COL18A1: variants seen among roughly 807,000 people sequenced by gnomAD.
The protein encoded by COL18A1 is collagen type XVIII alpha 1 chain.
Under a neutral mutation model 168.0 loss-of-function variants are expected in COL18A1, and 133 were observed. The observed-to-expected ratio is 0.79, with a 90% CI of 0.69 to 0.91. The LOEUF is 0.91. Ranked by LOEUF, COL18A1 falls within the 40% of genes least tolerant of loss-of-function variation. COL18A1 has a pLI of 0.00. For synonymous variants in COL18A1, 949 were observed against 809.0 expected (o/e 1.17, Z -2.94); for missense variants, 2,126 against 1,925.4 (o/e 1.10, Z -1.95).
chr21:45,509,198 T>TGCC lies in COL18A1; in HGVS notation c.3250-157_3250-155dup, dbSNP rs563275833. ...AGGCAGGACTCCCCACCCTTGCTGC[T>TGCC]GCCTACACCCCCAGGGCAGCCCCAG... On this transcript the variant is annotated intron_variant, in intron 38 of 41. Transcript: ENST00000651438. Among the ~76,000 whole-genome samples the TGCC allele has an allele frequency of 1.1e-4, 16 of 152,118 alleles. No individual in the cohort carries two copies. In the East Asian group the frequency reaches 3.1e-3, roughly 29 times the overall value.
intron 2 of COL18A1, among the ~76,000 whole-genome samples, chr21:45,436,397 C>T (rs1395866856): frequency 1.3e-5 from 2 of 152,206 alleles, no homozygotes; most frequent in Non-Finnish European, 2.9e-5. Flanking sequence ...ACTGTGCCGC[C>T]GCCCCATTGT....
At position 45,477,733 on chromosome 21, in the gene COL18A1, G is replaced by A. The variant is rs2035729609; in HGVS notation, c.1006-17G>A. ...GGCCCCACCCCAGCCCGAGCCCTGT[G>A]TTCTGTTTATTCCCAGGGCGGCCTG... On this transcript the variant is annotated splice_polypyrimidine_tract_variant and intron_variant, in intron 7 of 41. Coordinates refer to ENST00000651438, the MANE Select transcript of COL18A1 (RefSeq NM_001379500.1). 2.0e-6 allele frequency: 3 copies of A among 1,529,398 alleles called. No homozygotes were observed. Among genetic ancestry groups the A allele is most frequent in the Non-Finnish European group, 1.8e-6 (2 of 1,138,406 alleles). 94.7% of individuals were successfully genotyped at this position (1,529,398 alleles called of 1,614,324 possible).
intron 2 of COL18A1, chr21:45,422,448 G>T (rs1416294953): frequency 1.5e-5 from 8 of 532,300 alleles, no homozygotes; most frequent in South Asian, 1.1e-4. Context: ...GGAGGCTCCA[G>T]GATAGAGTTG....
chr21:45,418,719 G>C (rs1052720045), intron 2 of COL18A1, among the ~76,000 whole-genome samples: 1 of 150,252 alleles, frequency 6.7e-6, no homozygotes, highest in Non-Finnish European at 1.5e-5. Context: ...GCCACCTCAC[G>C]TCACTTCCTG....
intron 32 of COL18A1, among the ~76,000 whole-genome samples, chr21:45,503,384 T>C (rs1234983811): frequency 6.6e-6 from 1 of 152,184 alleles, no homozygotes; most frequent in African/African-American, 2.4e-5. Flanking sequence ...GAGAAGTGTC[T>C]GTTCATGTCC....
In COL18A1 at chr21:45,477,875, T is replaced by C. The variant is rs2145925010; in HGVS notation, c.1131T>C (p.Pro377=). Residue 377 remains proline (P), a synonymous_variant, in exon 8 of 42, where the codon CCT becomes CCC. Transcript: ENST00000651438. ...CGTGCCCAGTGAGTCCCCTGGGTCCTGCAGGCCCAGCGTTGCAAACTGTCC... is the reference window on the plus strand; with the variant it reads ...CGTGCCCAGTGAGTCCCCTGGGTCCCGCAGGCCCAGCGTTGCAAACTGTCC... ...GLPCPVSPLG[P]AGPALQTVPG... 2 of 1,556,232 alleles carry C rather than the reference T, an allele frequency of 1.3e-6. No homozygotes were observed. Among genetic ancestry groups the C allele is most frequent in the East Asian group, 2.4e-5 (1 of 41,386 alleles).
intron 2 of COL18A1, among the ~76,000 whole-genome samples, chr21:45,464,709 C>T (rs770874532): frequency 2.6e-5 from 4 of 152,174 alleles, no homozygotes; most frequent in Non-Finnish European, 2.9e-5. Context: ...CGCTTCCCTT[C>T]GCTCAAAGCC....
At chr21:45,509,987 G>A (rs1799428255) in intron 39 of COL18A1, 77 bp from the exon 40 acceptor site, 1 of 1,484,310 alleles carries the variant, frequency 6.7e-7, no homozygotes, top group East Asian at 2.5e-5. Context: ...CAGGTGCGGG[G>A]CCGGGGTGGT....
rs1380345492 is a variant in COL18A1, at chr21:45,497,826, C to T, written c.2683+165C>T. On this transcript the variant is annotated intron_variant, in intron 32 of 41. Coordinates refer to ENST00000651438, the MANE Select transcript of COL18A1 (RefSeq NM_001379500.1). ...GCCCCTTCTGGGTTGATGGGGGCCTCATAGGACCTGGATTTGGGGGCGAGG... is the reference window on the plus strand; with the variant it reads ...GCCCCTTCTGGGTTGATGGGGGCCTTATAGGACCTGGATTTGGGGGCGAGG... The T allele has an allele frequency of 8.7e-6, 8 of 914,548 alleles. No individual in the cohort carries two copies. The Admixed American group carries it at 1.6e-4, about 19-fold the overall frequency. 56.7% of individuals were successfully genotyped at this position (914,548 alleles called of 1,614,324 possible). A position where few individuals can be genotyped will look rare whatever the true frequency, so the allele number is the denominator to read the frequency against.
At chr21:45,476,571 TGTATG>T (rs1196298957) in intron 6 of COL18A1, 91 bp downstream of exon 6, 146 of 1,463,878 alleles carry the variant, frequency 1.0e-4, no homozygotes, top group Non-Finnish European at 1.3e-4. Flanking sequence ...ATGTGTGTGA[TGTATG>T]GTGTGTGTAG....
At chr21:45,448,707 CG>C (rs2034556482) in intron 2 of COL18A1, among the ~76,000 whole-genome samples, 1 of 152,250 alleles carries the variant, frequency 6.6e-6, no homozygotes, top group Non-Finnish European at 1.5e-5. Context: ...TCATTCTGTC[CG>C]TCCTCCTGTG....
chr21:45,508,267 A>AGTGGATGGGTAG (rs965544350), intron 38 of COL18A1, among the ~76,000 whole-genome samples: 2 of 127,086 alleles, frequency 1.6e-5, no homozygotes, highest in Non-Finnish European at 3.3e-5. Context: ...CAGGTGGGTG[A>AGTGGATGGGTAG]GTGGATGGGT....
chr21:45,438,748 G>A (rs2034289340), intron 2 of COL18A1, among the ~76,000 whole-genome samples: 1 of 152,250 alleles, frequency 6.6e-6, no homozygotes, highest in Non-Finnish European at 1.5e-5. Flanking sequence ...TCCACAGCAC[G>A]TGGACAAAGG....
In COL18A1 at chr21:45,484,367, TACACGC is replaced by T. The variant is rs1301592813; in HGVS notation, c.1701+1551_1701+1556del. ...TCTCCAGCATATGTGCGCACACACA[TACACGC>T]ACACACACATCTCCAGCATGTGTGT... On this transcript the variant is annotated intron_variant, in intron 15 of 41. Coordinates refer to ENST00000651438, the MANE Select transcript of COL18A1 (RefSeq NM_001379500.1). Among the ~76,000 whole-genome samples the T allele has an allele frequency of 3.9e-4, 40 of 101,274 alleles. 1 individual carries two copies. Among genetic ancestry groups the T allele is most frequent in the Non-Finnish European group, 6.4e-4 (32 of 50,342 alleles). 66.4% of individuals were successfully genotyped at this position (101,274 alleles called of 152,430 possible).
At chr21:45,500,289 GT>G (rs2036714981) in intron 32 of COL18A1, among the ~76,000 whole-genome samples, 1 of 101,678 alleles carries the variant, frequency 9.8e-6, no homozygotes, top group Non-Finnish European at 2.0e-5. Context: ...GTGGGGGTGT[GT>G]GGAGTGTATA....
intron 2 of COL18A1, among the ~76,000 whole-genome samples, chr21:45,454,184 T>A (rs2034722439): frequency 6.6e-6 from 1 of 152,154 alleles, no homozygotes. Flanking sequence ...TGCCTGCGCC[T>A]GCCCTCGAGA....
rs750014301 is a variant in COL18A1, at chr21:45,494,540, C to T, written c.2353-5C>T. 6.2e-7 allele frequency: 1 copy of T among 1,613,378 alleles called. No individual in the cohort carries two copies. Among genetic ancestry groups the T allele is most frequent in the Admixed American group, 1.7e-5 (1 of 60,026 alleles). On this transcript the variant is annotated splice_region_variant and splice_polypyrimidine_tract_variant and intron_variant, in intron 26 of 41. Transcript: ENST00000651438. ...CTAACCCTGTCTTCTTGTTTTTTTG[C>T]TCAGGGAGAGCCGGGCTTCCGAGGA...
intron 2 of COL18A1, among the ~76,000 whole-genome samples, chr21:45,417,734 CGTT>C (rs1450879882): frequency 6.6e-6 from 1 of 152,204 alleles, no homozygotes; most frequent in South Asian, 2.1e-4. Flanking sequence ...CCTCTGCATC[CGTT>C]GTTGTAGCCA....
chr21:45,501,098 G>A lies in COL18A1; in HGVS notation c.2684-2913G>A, dbSNP rs2036793133. On this transcript the variant is annotated intron_variant, in intron 32 of 41. Coordinates refer to ENST00000651438, the MANE Select transcript of COL18A1 (RefSeq NM_001379500.1). ...TGTGTGTTGGGTGTGGAGTGTGGGGGTGTGGTTTGGTGTGTGTGTGTGTGT... is the reference window on the plus strand; with the variant it reads ...TGTGTGTTGGGTGTGGAGTGTGGGGATGTGGTTTGGTGTGTGTGTGTGTGT... Among the ~76,000 whole-genome samples, 3 of 116,324 alleles carry A rather than the reference G, an allele frequency of 2.6e-5. No individual in the cohort carries two copies. In the South Asian group the frequency reaches 7.9e-4, roughly 31 times the overall value. 76.3% of individuals were successfully genotyped at this position (116,324 alleles called of 152,430 possible). A position where few individuals can be genotyped will look rare whatever the true frequency, so the allele number is the denominator to read the frequency against.
Sources: allele counts gnomAD v4.1 joint callset (sites outside exome capture counted in the v4.1 genomes callset), GRCh38; gene constraint gnomAD v4.1.1; transcripts MANE v1.5; gene names NCBI Gene and HGNC (gene_info 2026-07-23, HGNC 2026-07-21).